Variants in UBN2 observed in about 807,000 individuals in gnomAD.
UBN2 encodes ubinuclein-2.
In UBN2, 35 loss-of-function variants were observed where a neutral mutation model predicts 120.2. The observed-to-expected ratio is 0.29, with a 90% CI of 0.22 to 0.39. The LOEUF (loss-of-function observed/expected upper bound fraction) is 0.39, where lower values mean the gene tolerates loss of function less well. UBN2 is among the 10% of genes least tolerant of loss of function. The pLI, the probability that UBN2 is intolerant of heterozygous loss-of-function variation, is 1.00. For synonymous variants in UBN2, 661 were observed against 648.7 expected, an observed-to-expected ratio of 1.02 and a Z score of -0.29; for missense variants, 1,693 against 1,663.2, an observed-to-expected ratio of 1.02 and a Z score of -0.31.
the UBN2 span, among the ~76,000 whole-genome samples, chr7:139,323,110 A>G: frequency 9.8e-3 from 1,489 of 152,264 alleles, 15 homozygotes; most frequent in Non-Finnish European, 0.015. Flanking sequence ...CAAGACCTTC[A>G]AATAACAGAA....
intron 1 of UBN2, among the ~76,000 whole-genome samples, chr7:139,235,338 A>G (rs1796135686): frequency 6.6e-6 from 1 of 152,226 alleles, no homozygotes. Flanking sequence ...TATTCTCACT[A>G]GTTTATTCCC....
At chr7:139,329,990 C>T in the UBN2 span, among the ~76,000 whole-genome samples, 3 of 152,244 alleles carry the variant, frequency 2.0e-5, no homozygotes, top group South Asian at 2.1e-4. Context: ...GATAGTCCTG[C>T]GTTCTCATGC....
intron 7 of UBN2, among the ~76,000 whole-genome samples, chr7:139,267,932 G>A (rs1291209883): frequency 6.6e-6 from 1 of 152,172 alleles, no homozygotes; most frequent in Non-Finnish European, 1.5e-5. Flanking sequence ...GAACAGTGCA[G>A]CCATTACTTG....
chr7:139,276,125 C>A lies in UBN2; in HGVS notation c.2002C>A (p.His668Asn). 6.2e-7 allele frequency: 1 copy of A among 1,613,560 alleles called. No homozygotes were observed. Among genetic ancestry groups the A allele is most frequent in the South Asian group, 1.1e-5 (1 of 90,982 alleles). Residue 668 changes from histidine to asparagine, a missense_variant, in exon 12 of 18, where the codon CAT (histidine) becomes AAT (asparagine). His to Asn is a moderately conservative substitution (Grantham distance 68). Around this residue, in one of 5 missense-constraint regions of UBN2, gnomAD observed 837 missense variants for 817.6 expected, o/e 1.02. Coordinates refer to ENST00000473989, the MANE Select transcript of UBN2 (RefSeq NM_173569.4). ...RMLFKESRSV[H>N]NHLTSAPAKK... is the part of the protein sequence containing the mutation. Reference sequence around the variant, plus strand: ...GCTTTTTAAGGAAAGCCGGAGTGTTCATAATCATCTTACTTCTGCTCCGTG... The same window carrying A: ...GCTTTTTAAGGAAAGCCGGAGTGTTAATAATCATCTTACTTCTGCTCCGTG...
chr7:139,250,987 A>G (rs1796609819), intron 2 of UBN2, among the ~76,000 whole-genome samples: 1 of 151,846 alleles, frequency 6.6e-6, no homozygotes. Context: ...ATGCACCTGT[A>G]GTCCCACTTA....
intron 2 of UBN2, among the ~76,000 whole-genome samples, chr7:139,249,055 TTAAGG>T (rs1217931597): frequency 6.6e-6 from 1 of 151,970 alleles, no homozygotes; most frequent in Non-Finnish European, 1.5e-5. Context: ...TGCATGTTGT[TTAAGG>T]TTGCCAACTG....
intron 17 of UBN2, among the ~76,000 whole-genome samples, chr7:139,295,031 T>C (rs567706438): frequency 2.0e-5 from 3 of 152,274 alleles, no homozygotes; most frequent in Admixed American, 2.0e-4. Context: ...TCAGGATCTT[T>C]TGAGCAGAAA....
chr7:139,319,068 G>T, the UBN2 span, among the ~76,000 whole-genome samples: 1 of 151,980 alleles, frequency 6.6e-6, no homozygotes, highest in African/African-American at 2.4e-5. Context: ...TTTTGTTGTT[G>T]TTGTTTTGTT....
chr7:139,261,513 A>G lies in UBN2; in HGVS notation c.1167A>G (p.Glu389=), dbSNP rs767030609. The change falls in exon 6 of 18, where the codon GAA becomes GAG. Residue 389 remains glutamate (E), a synonymous_variant. Transcript: ENST00000473989. ...TTCCCATTTTTGTTAGCACAAATGA[A>G]CATGAGCTGTTTCAGGAAGCTGAAA... is the stretch of plus-strand genomic sequence containing the variant. The part of the protein sequence containing the change: ...PDLPIFVSTN[E]HELFQEAENA... 6.2e-7 allele frequency: 1 copy of G among 1,614,212 alleles called. No homozygotes were observed. Among genetic ancestry groups the G allele is most frequent in the South Asian group, 1.1e-5 (1 of 91,074 alleles).
At chr7:139,266,220 C>G (rs1797093111) in intron 6 of UBN2, 113 bp from the exon 7 acceptor site, 1 of 585,224 alleles carries the variant, frequency 1.7e-6, no homozygotes, top group African/African-American at 2.2e-5. Context: ...TAGAGAGGCC[C>G]TATCTCAAAA....
At chr7:139,310,727 C>A (rs980288475), downstream of UBN2, among the ~76,000 whole-genome samples, 1 of 152,154 alleles carries the variant, frequency 6.6e-6, no homozygotes, top group Non-Finnish European at 1.5e-5. Context: ...GAGCCGAGAT[C>A]GTGCTACTGC....
In UBN2 at chr7:139,240,146, A is replaced by G. The variant is rs529102795; in HGVS notation, c.561+3049A>G. On this transcript the variant is annotated intron_variant, in intron 2 of 17. Transcript: ENST00000473989. Reference sequence around the variant, plus strand: ...TAAAATATTACTCTTGTTATAGTCTAAATTAATGGGCTATATTTCTTCTCT... The same window carrying G: ...TAAAATATTACTCTTGTTATAGTCTGAATTAATGGGCTATATTTCTTCTCT... Among the ~76,000 whole-genome samples, 234 of 152,224 alleles carry G rather than the reference A, an allele frequency of 1.5e-3. 1 individual carries two copies. The highest frequency in any genetic ancestry group is 2.7e-3 in the Non-Finnish European group (186 of 68,016).
chr7:139,273,855 CA>C (rs1177916872), intron 10 of UBN2, 75 bp from the exon 11 acceptor site: 13 of 1,276,230 alleles, frequency 1.0e-5, no homozygotes, highest in Non-Finnish European at 2.1e-6. Flanking sequence ...CTGAATTTTT[CA>C]CATAATCTGT....
chr7:139,234,314 G>A (rs941221272), intron 1 of UBN2, among the ~76,000 whole-genome samples: 2 of 151,864 alleles, frequency 1.3e-5, no homozygotes, highest in African/African-American at 4.8e-5. Flanking sequence ...AACAACAAAA[G>A]GTGTGTTACA....
At chr7:139,257,015 T>TA (rs1796782136) in intron 3 of UBN2, among the ~76,000 whole-genome samples, 2 of 152,338 alleles carry the variant, frequency 1.3e-5, no homozygotes, top group Admixed American at 6.5e-5. Context: ...GAAGTTTCCC[T>TA]AAAAATCTGA....
intron 3 of UBN2, among the ~76,000 whole-genome samples, chr7:139,257,866 A>G (rs1006592503): frequency 8.6e-5 from 13 of 151,902 alleles, no homozygotes; most frequent in Non-Finnish European, 1.3e-4. Flanking sequence ...GCTCACTGCA[A>G]CCTCCACCAC....
chr7:139,236,028 A>C (rs1293689389), intron 1 of UBN2, among the ~76,000 whole-genome samples: 1 of 152,078 alleles, frequency 6.6e-6, no homozygotes, highest in African/African-American at 2.4e-5. Context: ...TTCCTTTTTA[A>C]ATTACCTGAG....
intron 15 of UBN2, among the ~76,000 whole-genome samples, chr7:139,287,567 A>G (rs1310097447): frequency 6.6e-6 from 1 of 152,166 alleles, no homozygotes; most frequent in African/African-American, 2.4e-5. Context: ...CTACTTGGCA[A>G]AGTATGAGTT....
intron 2 of UBN2, among the ~76,000 whole-genome samples, chr7:139,243,464 A>G (rs771375904): frequency 6.6e-6 from 1 of 152,230 alleles, no homozygotes. Flanking sequence ...AAGTCTTTCT[A>G]GTAGGGAAGA....
Sources: allele counts gnomAD v4.1 joint callset (sites outside exome capture counted in the v4.1 genomes callset), GRCh38; gene constraint gnomAD v4.1.1; regional missense constraint gnomAD v4.1.1; transcripts MANE v1.5; gene names NCBI Gene and HGNC (gene_info 2026-07-23, HGNC 2026-07-21).